Variants in KCNB2 observed in about 807,000 individuals in gnomAD.
The protein encoded by KCNB2 is delayed rectifier potassium channel protein.
In KCNB2, 15 loss-of-function variants were observed where a neutral mutation model predicts 61.5. The ratio of observed to expected loss-of-function variants is 0.24; its 90% confidence interval spans 0.16 to 0.38. The LOEUF (loss-of-function observed/expected upper bound fraction) is 0.38. KCNB2 is among the 10% of genes least tolerant of loss of function. The probability of loss-of-function intolerance (pLI) is 1.00; values close to 1 mark genes in which losing one functional copy is unlikely to be tolerated. For synonymous variants in KCNB2, 457 were observed against 446.0 expected (o/e 1.02, Z -0.31); for missense variants, 828 against 1,125.2 (o/e 0.74, Z 3.78).
chr8:72,905,561 T>C (rs1806163496), intron 2 of KCNB2, among the ~76,000 whole-genome samples: 1 of 151,754 alleles, frequency 6.6e-6, no homozygotes, highest in Admixed American at 6.6e-5. Flanking sequence ...TTAAGCAGGG[T>C]GGAGGGGTCA....
chr8:72,607,686 C>T (rs1173021904), intron 2 of KCNB2, among the ~76,000 whole-genome samples: 2 of 152,040 alleles, frequency 1.3e-5, no homozygotes, highest in African/African-American at 2.4e-5. Context: ...AGAAAATTCT[C>T]CTCTAGTCTC....
chr8:72,572,572 G>C (rs12056748), intron 2 of KCNB2, among the ~76,000 whole-genome samples: 15 of 149,650 alleles, frequency 1.0e-4, no homozygotes, highest in South Asian at 6.4e-4. Context: ...CTCTCTCTGC[G>C]TCTCTCTCTC....
chr8:72,779,435 A>C (rs1808718935), intron 2 of KCNB2, among the ~76,000 whole-genome samples: 1 of 152,142 alleles, frequency 6.6e-6, no homozygotes, highest in Non-Finnish European at 1.5e-5. Flanking sequence ...TGGCATCTTT[A>C]TACTTCAGGC....
rs141712140 is a variant in KCNB2 at position 72,667,006 on chromosome 8, T to TGTGA, written c.579+98694_579+98695insTGAG. ...ATAAGTGTGTGTGTGTGTGTGTGTGTGAGAGAGAGAGAGTGACAGAGAGGG... is the reference window on the plus strand; with the variant it reads ...ATAAGTGTGTGTGTGTGTGTGTGTGTGTGAGAGAGAGAGAGAGTGACAGAGAGGG... On this transcript the variant is annotated intron_variant, in intron 2 of 2. Transcript: ENST00000523207. Among the ~76,000 whole-genome samples the TGTGA allele has an allele frequency of 9.3e-3, 1,369 of 147,926 alleles. 22 individuals are homozygous for TGTGA. The highest frequency in any genetic ancestry group is 0.03 in the African/African-American group (1,189 of 39,710).
At chr8:72,814,133 T>G (rs1045911384) in intron 2 of KCNB2, among the ~76,000 whole-genome samples, 1 of 152,208 alleles carries the variant, frequency 6.6e-6, no homozygotes, top group African/African-American at 2.4e-5. Flanking sequence ...TAGTTTCTTT[T>G]GTTTGATGTT....
chr8:72,582,794 T>C (rs772448252), intron 2 of KCNB2, among the ~76,000 whole-genome samples: 12 of 151,582 alleles, frequency 7.9e-5, no homozygotes, highest in Non-Finnish European at 1.8e-4. Context: ...TAAAAAATTA[T>C]TTTTTTTGTA....
At chr8:72,553,981 A>G (rs1806383169) in intron 1 of KCNB2, among the ~76,000 whole-genome samples, 1 of 152,132 alleles carries the variant, frequency 6.6e-6, no homozygotes, top group Non-Finnish European at 1.5e-5. Context: ...CCATAAATGC[A>G]TACTATATTC....
intron 2 of KCNB2, among the ~76,000 whole-genome samples, chr8:72,928,008 T>C (rs1043354316): frequency 1.3e-5 from 2 of 152,096 alleles, no homozygotes; most frequent in African/African-American, 2.4e-5. Flanking sequence ...TAAAACATTT[T>C]TCCAACAGGA....
intron 2 of KCNB2, among the ~76,000 whole-genome samples, chr8:72,659,824 T>G (rs548532266): frequency 1.4e-4 from 21 of 152,312 alleles, no homozygotes; most frequent in African/African-American, 3.8e-4. Flanking sequence ...GCTTGTACAT[T>G]TTTTATTAGA....
At chr8:72,612,335 C>T (rs1805555091) in intron 2 of KCNB2, among the ~76,000 whole-genome samples, 1 of 152,160 alleles carries the variant, frequency 6.6e-6, no homozygotes, top group East Asian at 1.9e-4. Flanking sequence ...ACTTGTTATA[C>T]AGGTACTCAA....
At position 72,610,334 on chromosome 8, in the gene KCNB2, T is replaced by G. The variant is rs368811917; in HGVS notation, c.579+42021T>G. Among the ~76,000 whole-genome samples the G allele has an allele frequency of 1.2e-4, 19 of 152,314 alleles. No individual in the cohort carries two copies. The East Asian group carries it at 2.5e-3, about 20-fold the overall frequency. ...TGTGCTTAAAAACCGAACTCTAAAC[T>G]AAGTTAAGGAAAAAGTTTAAAACAG... On this transcript the variant is annotated intron_variant, in intron 2 of 2. Coordinates refer to ENST00000523207, the MANE Select transcript of KCNB2 (RefSeq NM_004770.3).
At chr8:72,745,462 A>G (rs1210918299) in intron 2 of KCNB2, among the ~76,000 whole-genome samples, 1 of 152,178 alleles carries the variant, frequency 6.6e-6, no homozygotes, top group Non-Finnish European at 1.5e-5. Flanking sequence ...ATAATTGACT[A>G]GAAAGAACTC....
intron 2 of KCNB2, among the ~76,000 whole-genome samples, chr8:72,640,440 G>A (rs1806036481): frequency 6.6e-6 from 1 of 152,006 alleles, no homozygotes; most frequent in Admixed American, 6.6e-5. Flanking sequence ...TATTGTGGAA[G>A]TGAAGCAACC....
intron 2 of KCNB2, among the ~76,000 whole-genome samples, chr8:72,775,468 G>T (rs956579350): frequency 1.4e-4 from 22 of 152,142 alleles, no homozygotes; most frequent in African/African-American, 5.3e-4. Context: ...GACCTAAGAG[G>T]AACTGTGGCG....
intron 2 of KCNB2, among the ~76,000 whole-genome samples, chr8:72,857,886 C>T (rs1810233169): frequency 1.3e-5 from 2 of 152,054 alleles, no homozygotes; most frequent in African/African-American, 4.8e-5. Context: ...GTAACTTTCC[C>T]ACGATTATTT....
intron 2 of KCNB2, among the ~76,000 whole-genome samples, chr8:72,848,193 A>G (rs1052674192): frequency 6.6e-6 from 1 of 152,246 alleles, no homozygotes; most frequent in Admixed American, 6.5e-5. Flanking sequence ...TCTATCAATC[A>G]TAATAGGTCA....
chr8:72,553,791 A>G (rs1227796435), intron 1 of KCNB2, among the ~76,000 whole-genome samples: 1 of 152,164 alleles, frequency 6.6e-6, no homozygotes, highest in Non-Finnish European at 1.5e-5. Context: ...ATATTATGGT[A>G]ATCATTTTTG....
At chr8:72,910,845 A>G in intron 2 of KCNB2, among the ~76,000 whole-genome samples, 1 of 152,218 alleles carries the variant, frequency 6.6e-6, no homozygotes, top group East Asian at 1.9e-4. Context: ...CTGACGATTG[A>G]AATTTGAGTT....
At chr8:72,591,687 A>G (rs796152602) in intron 2 of KCNB2, among the ~76,000 whole-genome samples, 2 of 152,156 alleles carry the variant, frequency 1.3e-5, no homozygotes, top group South Asian at 4.1e-4. Flanking sequence ...TAAGATTCCT[A>G]TACATAATAG....
Sources: allele counts gnomAD v4.1 joint callset (sites outside exome capture counted in the v4.1 genomes callset), GRCh38; gene constraint gnomAD v4.1.1; transcripts MANE v1.5; gene names NCBI Gene and HGNC (gene_info 2026-07-23, HGNC 2026-07-21).